Variants in CUX1 observed in about 807,000 individuals in gnomAD.
The protein encoded by CUX1 is protein CASP.
CUX1 carries 31 observed loss-of-function variants against 158.8 expected under a neutral mutation model. The observed-to-expected ratio is 0.20, with a 90% CI of 0.15 to 0.26. CUX1 has a LOEUF of 0.26. CUX1 is among the 10% of genes least tolerant of loss of function. CUX1 has a pLI of 1.00. For missense variants in CUX1, 1,589 were observed against 2,014.6 expected (o/e 0.79, Z 4.04); for synonymous variants, 879 against 862.1 (o/e 1.02, Z -0.34).
intron 20 of CUX1, among the ~76,000 whole-genome samples, chr7:102,222,784 C>T (rs1343666927): frequency 7.3e-6 from 1 of 136,506 alleles, no homozygotes; most frequent in Non-Finnish European, 1.5e-5. Context: ...CACCTAGCTC[C>T]TGGCTGTGTG....
At chr7:102,068,391 A>G (rs1825779661) in intron 3 of CUX1, among the ~76,000 whole-genome samples, 1 of 152,090 alleles carries the variant, frequency 6.6e-6, no homozygotes, top group African/African-American at 2.4e-5. Context: ...TGCTATGATT[A>G]CAGGCGTGAG....
At chr7:102,069,214 C>T (rs754186687) in intron 3 of CUX1, among the ~76,000 whole-genome samples, 29 of 152,202 alleles carry the variant, frequency 1.9e-4, no homozygotes, top group Non-Finnish European at 4.0e-4. Flanking sequence ...TCTTTCCACC[C>T]TGACCGCTGC....
At position 101,954,968 on chromosome 7, in the gene CUX1, C is replaced by T. The variant is rs148654171; in HGVS notation, c.141+38743C>T. Among the ~76,000 whole-genome samples the T allele has an allele frequency of 6.9e-3, 1,047 of 152,154 alleles. 12 individuals are homozygous for T. The highest frequency in any genetic ancestry group is 0.024 in the African/African-American group (990 of 41,492). ...AGGCGATCACCTGAGGCCAGGAGTTCGAGACCAGCCTGGCCAACATGGTGA... is the reference window on the plus strand; with the variant it reads ...AGGCGATCACCTGAGGCCAGGAGTTTGAGACCAGCCTGGCCAACATGGTGA... On this transcript the variant is annotated intron_variant, in intron 2 of 23. Coordinates refer to ENST00000292535, the MANE Select transcript of CUX1 (RefSeq NM_181552.4).
intron 8 of CUX1, among the ~76,000 whole-genome samples, chr7:102,150,561 C>T (rs1481254847): frequency 3.3e-5 from 5 of 152,202 alleles, no homozygotes; most frequent in African/African-American, 4.8e-5. Flanking sequence ...TTTAACAGCT[C>T]GTTTTAACAG....
At chr7:102,263,171 G>A (rs983345725), downstream of CUX1, among the ~76,000 whole-genome samples, 6 of 150,818 alleles carry the variant, frequency 4.0e-5, no homozygotes, top group African/African-American at 9.8e-5. Context: ...ATGCCACCAC[G>A]TCCAGCTAAT....
chr7:102,171,630 T>C (rs1791728795), intron 10 of CUX1, among the ~76,000 whole-genome samples: 2 of 151,944 alleles, frequency 1.3e-5, no homozygotes, highest in Admixed American at 6.6e-5. Flanking sequence ...GTATTTTTTA[T>C]AGGGACTAGG....
Position 102,200,181 on chromosome 7 carries a change from TC to T in CUX1, c.2062+11del. 6.2e-7 allele frequency: 1 copy of T among 1,601,146 alleles called. No individual in the cohort carries two copies. Among genetic ancestry groups the T allele is most frequent in the Non-Finnish European group, 8.5e-7 (1 of 1,173,182 alleles). On this transcript the variant is annotated intron_variant, in intron 17 of 23. Coordinates refer to ENST00000292535, the MANE Select transcript of CUX1 (RefSeq NM_181552.4). ...CCAAGTGCAGAAAACTGGTACAGCT[TC>T]CATTTCTTCATCCACTGTCTTCAAA...
At chr7:102,053,089 C>T (rs543682099) in intron 3 of CUX1, among the ~76,000 whole-genome samples, 5 of 152,266 alleles carry the variant, frequency 3.3e-5, no homozygotes, top group Admixed American at 6.5e-5. Flanking sequence ...GGATTATAGG[C>T]GTGAGCCACC....
chr7:101,905,078 G>C (rs1477335880), intron 1 of CUX1, among the ~76,000 whole-genome samples: 1 of 152,116 alleles, frequency 6.6e-6, no homozygotes, highest in African/African-American at 2.4e-5. Context: ...GCTGGGGAGG[G>C]TGAGAGCCAG....
At chr7:102,103,635 G>A (rs201477) in intron 5 of CUX1, among the ~76,000 whole-genome samples, 95,605 of 151,882 alleles carry the variant, frequency 0.63, 31,653 homozygotes, top group African/African-American at 0.8. Context: ...GGGGCTCGCT[G>A]TGTTTCTGGG....
At position 102,252,719 on chromosome 7, in the gene CUX1, T is replaced by C; in HGVS notation, c.*3677T>C. On this transcript the variant is annotated 3_prime_UTR_variant, in exon 24 of 24. Transcript: ENST00000292535. ...AACTCACTTCCACCCCAGAGGAGTC[T>C]TCTGTCCTCCTCCCCAACCCCCGAG... is the stretch of plus-strand genomic sequence containing the variant. 12 of 985,468 alleles carry C rather than the reference T, an allele frequency of 1.2e-5. No homozygotes were observed. Among genetic ancestry groups the C allele is most frequent in the Non-Finnish European group, 1.4e-5 (12 of 829,964 alleles). The allele number at this position is 985,468 out of a possible 1,614,324, so 61.0% of individuals were successfully genotyped here. A position where few individuals can be genotyped will look rare whatever the true frequency, so the allele number is the denominator to read the frequency against.
At chr7:101,930,493 G>A (rs1181377287) in intron 2 of CUX1, among the ~76,000 whole-genome samples, 1 of 152,166 alleles carries the variant, frequency 6.6e-6, no homozygotes, top group Non-Finnish European at 1.5e-5. Context: ...TTGGCTAGGG[G>A]GATGGAGCGC....
rs147920735 is a variant in CUX1 at position 102,201,602 on chromosome 7, G to A, written c.2305G>A (p.Ala769Thr). The A allele has an allele frequency of 2.9e-4, 470 of 1,613,952 alleles. 1 individual carries two copies. In the African/African-American group the frequency reaches 5.7e-3, roughly 20 times the overall value. The change falls in exon 18 of 24, where the codon GCA becomes ACA. Residue 769 changes from alanine (A) to threonine (T), a missense_variant. Physicochemically the swap from Ala to Thr is moderately conservative, Grantham distance 58. Coordinates refer to ENST00000292535, the MANE Select transcript of CUX1 (RefSeq NM_181552.4). The surrounding 1 kb of genome is among the most constrained non-coding windows in gnomAD (Gnocchi z 5.0). ...CGCCATCTCCCTGAAGAAGCCCTCC[G>A]CAGCTCCTGAGGCCGGTGCCTCTGC... ...PLAISLKKPS[A>T]APEAGASALP... is the part of the protein sequence containing the mutation.
chr7:101,906,246 C>T (rs769978957), intron 1 of CUX1, among the ~76,000 whole-genome samples: 19 of 151,956 alleles, frequency 1.3e-4, no homozygotes, highest in African/African-American at 7.3e-5. Flanking sequence ...CATGGGGAGA[C>T]GGCACCAACC....
intron 2 of CUX1, among the ~76,000 whole-genome samples, chr7:101,981,239 C>T (rs1255600233): frequency 2.0e-5 from 3 of 152,056 alleles, no homozygotes; most frequent in Non-Finnish European, 4.4e-5. Flanking sequence ...CCTTGCAGGA[C>T]GTTTTCTACC....
At chr7:102,019,250 CAT>C (rs1258160736) in intron 2 of CUX1, among the ~76,000 whole-genome samples, 2 of 150,300 alleles carry the variant, frequency 1.3e-5, no homozygotes, top group South Asian at 2.2e-4. Flanking sequence ...TTTTTTGAGA[CAT>C]AGTCTCATTC....
chr7:102,005,605 G>C (rs1300275879), intron 2 of CUX1, among the ~76,000 whole-genome samples: 1 of 152,174 alleles, frequency 6.6e-6, no homozygotes. Flanking sequence ...CACAGGGCTG[G>C]GGTTATAGAC....
At position 102,076,121 on chromosome 7, in the gene CUX1, G is replaced by A. The variant is rs1415638273; in HGVS notation, c.268+5704G>A. Among the ~76,000 whole-genome samples the A allele has an allele frequency of 4.0e-5, 6 of 151,832 alleles. No individual in the cohort carries two copies. The East Asian group carries it at 5.8e-4, about 15-fold the overall frequency. On this transcript the variant is annotated intron_variant, in intron 4 of 23. Transcript: ENST00000292535. ...ACAAAGGCCAGGCATGGTGGTTCACGCCTGTAACCCCAGCACTTTGGGAGG... is the reference window on the plus strand; with the variant it reads ...ACAAAGGCCAGGCATGGTGGTTCACACCTGTAACCCCAGCACTTTGGGAGG...
rs547418792 is a variant in CUX1, at chr7:102,256,767, G to A, written c.*7725G>A. 7.1e-6 allele frequency: 7 copies of A among 985,484 alleles called. No homozygotes were observed. The highest frequency in any genetic ancestry group is 5.2e-4 in the Middle Eastern group (1 of 1,914). The allele number at this position is 985,484 out of a possible 1,614,324, so 61.0% of individuals were successfully genotyped here. A position where few individuals can be genotyped will look rare whatever the true frequency, so the allele number is the denominator to read the frequency against. On this transcript the variant is annotated 3_prime_UTR_variant, in exon 24 of 24. Coordinates refer to ENST00000292535, the MANE Select transcript of CUX1 (RefSeq NM_181552.4). The stretch of plus-strand genomic sequence containing the variant: ...TGGGTTCATGAAGTTTCGGCGAGCC[G>A]TGGTCAGAGAGGGCGCGGTGGCCTG...
Sources: allele counts gnomAD v4.1 joint callset (sites outside exome capture counted in the v4.1 genomes callset), GRCh38; gene constraint gnomAD v4.1.1; non-coding constraint Gnocchi (gnomAD v3.1); transcripts MANE v1.5; gene names NCBI Gene and HGNC (gene_info 2026-07-23, HGNC 2026-07-21).